The following ARL15 variants were observed in gnomAD, a reference collection of about 807,000 sequenced individuals.
ARL15 encodes ADP-ribosylation factor-like protein 15.
A neutral mutation model predicts 25.2 loss-of-function variants in ARL15; 19 were observed. That is an observed-to-expected ratio of 0.75 (90% CI 0.53 to 1.10). The LOEUF (loss-of-function observed/expected upper bound fraction) is 1.10. Ranked by LOEUF, ARL15 falls within the 50% of genes least tolerant of loss-of-function variation. The pLI, the probability that ARL15 is intolerant of heterozygous loss-of-function variation, is 0.00. For missense variants in ARL15, 220 were observed against 246.0 expected (o/e 0.89, Z 0.71); for synonymous variants, 94 against 86.8 (o/e 1.08, Z -0.46).
chr5:53,951,098 G>A (rs1396969119), intron 4 of ARL15, among the ~76,000 whole-genome samples: 1 of 152,204 alleles, frequency 6.6e-6, no homozygotes, highest in East Asian at 1.9e-4. Flanking sequence ...AAAATTAGAT[G>A]AAATACAAAT....
At chr5:54,056,859 G>A (rs1327852908) in intron 4 of ARL15, among the ~76,000 whole-genome samples, 1 of 152,042 alleles carries the variant, frequency 6.6e-6, no homozygotes, top group Non-Finnish European at 1.5e-5. Flanking sequence ...TCCCTCCTGA[G>A]TATACGGGGG....
rs886412246 is a variant in ARL15, at chr5:54,179,064, GTTAAGT to G, written c.49-7142_49-7137del. Reference sequence around the variant, plus strand: ...GAGGAGGAAACTGAGGCTCAAAGAAGTTAAGTAACTTGCCTACGTGGAACAGGATTC... The same window carrying G: ...GAGGAGGAAACTGAGGCTCAAAGAAGAACTTGCCTACGTGGAACAGGATTC... On this transcript the variant is annotated intron_variant, in intron 1 of 4. Coordinates refer to ENST00000504924, the MANE Select transcript of ARL15 (RefSeq NM_019087.3). Among the ~76,000 whole-genome samples, 27 of 152,324 alleles carry G rather than the reference GTTAAGT, an allele frequency of 1.8e-4. 1 individual carries two copies. The highest frequency in any genetic ancestry group is 5.9e-5 in the Non-Finnish European group (4 of 68,034).
At chr5:54,006,750 T>C (rs970540295) in intron 4 of ARL15, among the ~76,000 whole-genome samples, 1 of 152,204 alleles carries the variant, frequency 6.6e-6, no homozygotes, top group Non-Finnish European at 1.5e-5. Context: ...CACCCTTCTA[T>C]ACCTTTTGAA....
In ARL15 at chr5:54,068,882, G is replaced by A. The variant is rs375392440; in HGVS notation, c.462+44320C>T. Among the ~76,000 whole-genome samples the A allele has an allele frequency of 3.3e-5, 5 of 152,150 alleles. No homozygotes were observed. In the East Asian group the frequency reaches 5.8e-4, roughly 18 times the overall value. ...CTGCTTGACTTCTTAGCTCAGCTCT[G>A]CCATTTCCTAGCTACCTGACTTTAG... On this transcript the variant is annotated intron_variant, in intron 4 of 4. Coordinates refer to ENST00000504924, the MANE Select transcript of ARL15 (RefSeq NM_019087.3).
At chr5:54,262,094 A>G (rs1757509688) in intron 1 of ARL15, among the ~76,000 whole-genome samples, 1 of 152,082 alleles carries the variant, frequency 6.6e-6, no homozygotes, top group South Asian at 2.1e-4. Flanking sequence ...TGGTATCTCA[A>G]CCTCTCTCAT....
rs1024984019 is a variant in ARL15, at chr5:54,087,407, A to G, written c.462+25795T>C. On this transcript the variant is annotated intron_variant, in intron 4 of 4. Coordinates refer to ENST00000504924, the MANE Select transcript of ARL15 (RefSeq NM_019087.3). ...TCTTGGGCTGCAGCTCCTGGTTTCT[A>G]TACTAAGCCATGTTATTATGCTACT... 2.0e-5 allele frequency among the ~76,000 whole-genome samples: 3 copies of G among 152,142 alleles called. No individual in the cohort carries two copies. In the South Asian group the frequency reaches 6.2e-4, roughly 32 times the overall value.
At chr5:54,001,312 TC>T (rs1350772372) in intron 4 of ARL15, among the ~76,000 whole-genome samples, 1 of 152,140 alleles carries the variant, frequency 6.6e-6, no homozygotes, top group Non-Finnish European at 1.5e-5. Flanking sequence ...TATCACAAGC[TC>T]CCCATATCCT....
intron 1 of ARL15, among the ~76,000 whole-genome samples, chr5:54,268,040 C>T (rs1757674445): frequency 6.6e-6 from 1 of 151,970 alleles, no homozygotes; most frequent in Non-Finnish European, 1.5e-5. Flanking sequence ...GGAAGTTCTC[C>T]TGGATAATAT....
At chr5:53,987,983 G>A (rs1748351034) in intron 4 of ARL15, among the ~76,000 whole-genome samples, 1 of 151,984 alleles carries the variant, frequency 6.6e-6, no homozygotes, top group Non-Finnish European at 1.5e-5. Context: ...TGCGCCTGTA[G>A]TCCCAGCTAA....
intron 3 of ARL15, among the ~76,000 whole-genome samples, chr5:54,131,988 T>C (rs865809013): frequency 3.3e-5 from 5 of 152,172 alleles, no homozygotes; most frequent in East Asian, 1.9e-4. Flanking sequence ...AGTATGATTA[T>C]TTATAGATAC....
At chr5:54,257,879 C>T (rs1263557641) in intron 1 of ARL15, among the ~76,000 whole-genome samples, 1 of 152,038 alleles carries the variant, frequency 6.6e-6, no homozygotes, top group African/African-American at 2.4e-5. Flanking sequence ...TGTCTATAAA[C>T]ACAGGAGTAT....
At chr5:53,898,277 CT>C (rs148758681) in intron 4 of ARL15, among the ~76,000 whole-genome samples, 12,800 of 151,938 alleles carry the variant, frequency 0.084, 663 homozygotes, top group Non-Finnish European at 0.12. Flanking sequence ...TGGTCTTTAA[CT>C]TTTTTTTGTA....
intron 4 of ARL15, among the ~76,000 whole-genome samples, chr5:53,893,732 A>G (rs1744790753): frequency 6.6e-6 from 1 of 152,232 alleles, no homozygotes; most frequent in African/African-American, 2.4e-5. Context: ...GAGGCTCATG[A>G]AGCCAGCTTA....
chr5:54,164,175 T>A (rs1302381867), intron 2 of ARL15, among the ~76,000 whole-genome samples: 2 of 151,580 alleles, frequency 1.3e-5, no homozygotes, highest in African/African-American at 4.8e-5. Context: ...TACTTGAGAT[T>A]TTTTTTTTCT....
At chr5:53,982,554 A>G (rs1271462466) in intron 4 of ARL15, among the ~76,000 whole-genome samples, 1 of 152,034 alleles carries the variant, frequency 6.6e-6, no homozygotes, top group Admixed American at 6.6e-5. Flanking sequence ...CATGGTGTCT[A>G]TGTGCCATGT....
chr5:53,910,941 T>C (rs3797291), intron 4 of ARL15, among the ~76,000 whole-genome samples: 41,593 of 151,700 alleles, frequency 0.27, 5,977 homozygotes, highest in East Asian at 0.4. Flanking sequence ...TATTTTCATG[T>C]GAGTCACTTT....
chr5:54,000,914 G>C (rs1296082462), intron 4 of ARL15, among the ~76,000 whole-genome samples: 1 of 152,140 alleles, frequency 6.6e-6, no homozygotes, highest in Non-Finnish European at 1.5e-5. Flanking sequence ...AGTCGCCTAA[G>C]ACCCCACTTT....
intron 4 of ARL15, among the ~76,000 whole-genome samples, chr5:53,990,735 C>A (rs993709754): frequency 2.6e-5 from 4 of 152,158 alleles, no homozygotes; most frequent in African/African-American, 9.7e-5. Flanking sequence ...AAAATTGAAT[C>A]ATATTTTAAA....
chr5:54,088,124 C>G (rs1752030570), intron 4 of ARL15, among the ~76,000 whole-genome samples: 1 of 152,120 alleles, frequency 6.6e-6, no homozygotes. Context: ...ACTAGCATGA[C>G]TGTTTCCAGA....
Sources: allele counts gnomAD v4.1 joint callset (sites outside exome capture counted in the v4.1 genomes callset), GRCh38; gene constraint gnomAD v4.1.1; transcripts MANE v1.5; gene names NCBI Gene and HGNC (gene_info 2026-07-23, HGNC 2026-07-21).